The following PCNX1 variants were observed in gnomAD, a reference collection of about 807,000 sequenced individuals.
PCNX1 encodes pecanex-like protein 1.
Under a neutral mutation model 242.2 loss-of-function variants are expected in PCNX1, and 78 were observed. The ratio of observed to expected loss-of-function variants is 0.32; its 90% CI spans 0.27 to 0.39. PCNX1 has a LOEUF of 0.39. Among genes scored for constraint, PCNX1 ranks in the 10% least tolerant of loss-of-function variants. The pLI is 1.00. For missense variants in PCNX1, 2,581 were observed against 2,856.5 expected, an observed-to-expected ratio of 0.90 and a Z score of 2.20; for synonymous variants, 1,024 against 1,032.9, an observed-to-expected ratio of 0.99 and a Z score of 0.17.
intron 16 of PCNX1, among the ~76,000 whole-genome samples, chr14:71,029,282 C>A (rs2060319304): frequency 6.6e-6 from 1 of 152,098 alleles, no homozygotes; most frequent in African/African-American, 2.4e-5. Context: ...AGATTGTCAA[C>A]AAGTTGTAAA....
At chr14:71,103,329 C>A in intron 31 of PCNX1, 66 bp from the exon 32 acceptor site, 1 of 1,518,120 alleles carries the variant, frequency 6.6e-7, no homozygotes, top group Non-Finnish European at 9.1e-7. Flanking sequence ...CCCATTTCTG[C>A]TCTTCTGTTT....
At chr14:71,109,183 A>T (rs918793154) in intron 34 of PCNX1, 137 bp downstream of exon 34, 2 of 917,948 alleles carry the variant, frequency 2.2e-6, no homozygotes, top group Non-Finnish European at 3.2e-6. Flanking sequence ...ATGTTGGGGA[A>T]AAATTTCTTC....
intron 11 of PCNX1, among the ~76,000 whole-genome samples, chr14:71,018,780 A>G (rs936654283): frequency 6.6e-6 from 1 of 152,224 alleles, no homozygotes; most frequent in Non-Finnish European, 1.5e-5. Flanking sequence ...TATGTAATTG[A>G]AACTCCACAA....
chr14:71,069,686 TACA>T (rs2061542554), intron 26 of PCNX1, among the ~76,000 whole-genome samples: 1 of 152,232 alleles, frequency 6.6e-6, no homozygotes. Context: ...AAGAATGTAC[TACA>T]TATCTTAATT....
At chr14:71,006,439 A>C (rs2059670208) in intron 8 of PCNX1, among the ~76,000 whole-genome samples, 1 of 152,028 alleles carries the variant, frequency 6.6e-6, no homozygotes. Flanking sequence ...TCTATCAGGT[A>C]TAATTAATTG....
Position 70,978,436 on chromosome 14 carries a change from G to A in PCNX1, c.2099G>A (p.Cys700Tyr). 1 of 1,614,182 alleles carries A rather than the reference G, an allele frequency of 6.2e-7. No individual in the cohort carries two copies. The highest frequency in any genetic ancestry group is 2.2e-5 in the East Asian group (1 of 44,886). The part of the protein sequence containing the change: ...VLSLDSGTVA[C>Y]LNDSNRLMAP... ...AGCCTGGACAGTGGCACAGTAGCAT[G>A]TTTGAATGACTCAAACAGGTTAATG... Residue 700 changes from cysteine to tyrosine, a missense_variant, in exon 6 of 36, where the codon TGT (cysteine) becomes TAT (tyrosine). Around this residue, in one of 9 missense-constraint regions of PCNX1, gnomAD observed 1,204 missense variants for 1,216.7 expected, o/e 0.99. Transcript: ENST00000304743.
In PCNX1 at chr14:70,908,000, C is replaced by T. The variant is rs2055637654; in HGVS notation, c.150C>T (p.Tyr50=). 6.3e-7 allele frequency: 1 copy of T among 1,589,704 alleles called. No homozygotes were observed. The highest frequency in any genetic ancestry group is 8.5e-7 in the Non-Finnish European group (1 of 1,169,926). The change falls in exon 1 of 36, where the codon TAC becomes TAT. Residue 50 remains tyrosine, a synonymous_variant. Coordinates refer to ENST00000304743, the MANE Select transcript of PCNX1 (RefSeq NM_014982.3). ...LFLLGLPFTL[Y]MALPSTMIIV... ...TGCTGGGCCTGCCCTTCACCCTCTACATGGTGAGTGTGGGGGCGGGGAGCG... is the reference window on the plus strand; with the variant it reads ...TGCTGGGCCTGCCCTTCACCCTCTATATGGTGAGTGTGGGGGCGGGGAGCG...
chr14:70,995,665 C>G (rs756287849), intron 7 of PCNX1, 76 bp from the exon 8 acceptor site: 11 of 1,323,020 alleles, frequency 8.3e-6, no homozygotes, highest in Middle Eastern at 2.5e-4. Context: ...AATCAGTTTT[C>G]TATGTTGACT....
At chr14:70,929,277 G>A (rs1210007236) in intron 1 of PCNX1, among the ~76,000 whole-genome samples, 1 of 151,376 alleles carries the variant, frequency 6.6e-6, no homozygotes, top group South Asian at 2.1e-4. Flanking sequence ...CTCTTGTTTT[G>A]AAGCATTCTA....
intron 30 of PCNX1, among the ~76,000 whole-genome samples, chr14:71,091,881 C>T (rs576454389): frequency 8.4e-4 from 128 of 152,292 alleles, no homozygotes; most frequent in African/African-American, 2.9e-3. Flanking sequence ...ATGCTTAAAA[C>T]GCCGTGTGGC....
intron 3 of PCNX1, among the ~76,000 whole-genome samples, chr14:70,966,635 C>T (rs1460693571): frequency 6.6e-6 from 1 of 152,038 alleles, no homozygotes; most frequent in African/African-American, 2.4e-5. Flanking sequence ...AGGTGTATGA[C>T]CAATTTTGGA....
chr14:70,961,760 G>T (rs994192129), intron 2 of PCNX1, among the ~76,000 whole-genome samples: 2 of 152,150 alleles, frequency 1.3e-5, no homozygotes, highest in African/African-American at 4.8e-5. Flanking sequence ...CTGTTCTCTT[G>T]TGTGTTCATC....
At chr14:70,993,307 T>C (rs575257074) in intron 7 of PCNX1, among the ~76,000 whole-genome samples, 1 of 151,624 alleles carries the variant, frequency 6.6e-6, no homozygotes, top group Non-Finnish European at 1.5e-5. Context: ...TTTTGTATGT[T>C]TAGTAGAGAC....
intron 5 of PCNX1, among the ~76,000 whole-genome samples, chr14:70,971,032 C>T (rs1371214892): frequency 1.3e-5 from 2 of 151,656 alleles, no homozygotes; most frequent in Non-Finnish European, 2.9e-5. Flanking sequence ...CTCAAAGTCC[C>T]ACAGCTACAA....
At chr14:71,052,967 C>G (rs2061080448) in intron 24 of PCNX1, among the ~76,000 whole-genome samples, 1 of 152,120 alleles carries the variant, frequency 6.6e-6, no homozygotes, top group Non-Finnish European at 1.5e-5. Context: ...TTAGAAAGAG[C>G]TTGTACTAAT....
intron 1 of PCNX1, among the ~76,000 whole-genome samples, chr14:70,923,715 T>C (rs1482427111): frequency 6.6e-6 from 1 of 152,208 alleles, no homozygotes; most frequent in Non-Finnish European, 1.5e-5. Flanking sequence ...AGCTAAGGGC[T>C]TCTTGAGTTG....
At chr14:70,973,376 T>A (rs1350273408) in intron 5 of PCNX1, among the ~76,000 whole-genome samples, 1 of 152,130 alleles carries the variant, frequency 6.6e-6, no homozygotes, top group Non-Finnish European at 1.5e-5. Context: ...CCAAGACTGT[T>A]ATCCACCTGT....
chr14:70,978,576 A>G lies in PCNX1; in HGVS notation c.2239A>G (p.Thr747Ala). 1 of 1,614,090 alleles carries G rather than the reference A, an allele frequency of 6.2e-7. No homozygotes were observed. The highest frequency in any genetic ancestry group is 1.1e-5 in the South Asian group (1 of 91,074). The change falls in exon 6 of 36, where the codon ACT becomes GCT. Residue 747 changes from threonine to alanine, a missense_variant. Thr to Ala is a moderately conservative substitution (Grantham distance 58, BLOSUM62 0). Transcript: ENST00000304743. ...ACGGGCTTCCCAGTTAGAGACAGTCACTCGATCTAGGAATAGCTTGCCAAA... is the reference window on the plus strand; with the variant it reads ...ACGGGCTTCCCAGTTAGAGACAGTCGCTCGATCTAGGAATAGCTTGCCAAA... The part of the protein sequence containing the change: ...LGRASQLETV[T>A]RSRNSLPNQV...
intron 30 of PCNX1, among the ~76,000 whole-genome samples, chr14:71,095,502 CAAT>C: frequency 6.6e-6 from 1 of 152,232 alleles, no homozygotes; most frequent in Admixed American, 6.5e-5. Flanking sequence ...AAACATTGCT[CAAT>C]AATAAACATC....
Sources: allele counts gnomAD v4.1 joint callset (sites outside exome capture counted in the v4.1 genomes callset), GRCh38; gene constraint gnomAD v4.1.1; regional missense constraint gnomAD v4.1.1; transcripts MANE v1.5; gene names NCBI Gene and HGNC (gene_info 2026-07-23, HGNC 2026-07-21).